ROBO2: variants seen among roughly 807,000 people sequenced by gnomAD.
ROBO2 encodes roundabout guidance receptor 2.
Under a neutral mutation model 160.8 loss-of-function variants are expected in ROBO2, and 53 were observed. That is an observed-to-expected ratio of 0.33 (90% CI 0.26 to 0.41). The LOEUF (loss-of-function observed/expected upper bound fraction) is 0.41. Among genes scored for constraint, ROBO2 ranks in the 10% least tolerant of loss-of-function variants. The pLI, the probability that ROBO2 is intolerant of heterozygous loss-of-function variation, is 1.00. For missense variants in ROBO2, 1,577 were observed against 1,722.4 expected, an observed-to-expected ratio of 0.92 and a Z score of 1.49; for synonymous variants, 664 against 611.7, an observed-to-expected ratio of 1.09 and a Z score of -1.26.
At chr3:77,428,383 C>A (rs1454235953) in intron 2 of ROBO2, among the ~76,000 whole-genome samples, 1 of 123,514 alleles carries the variant, frequency 8.1e-6, no homozygotes, top group Non-Finnish European at 1.6e-5. Context: ...GAGTCTCGCT[C>A]TGTCACCCAG....
intron 5 of ROBO2, among the ~76,000 whole-genome samples, chr3:77,516,884 A>T (rs1279323009): frequency 1.3e-5 from 2 of 151,574 alleles, no homozygotes; most frequent in Non-Finnish European, 3.0e-5. Context: ...TGCTATAAAG[A>T]AGTAGAGGAG....
intron 2 of ROBO2, among the ~76,000 whole-genome samples, chr3:77,171,228 C>A (rs2079603344): frequency 6.6e-6 from 1 of 152,078 alleles, no homozygotes; most frequent in Non-Finnish European, 1.5e-5. Flanking sequence ...TGGCAAACAA[C>A]AAGAGAGGAA....
chr3:77,170,113 A>G (rs986038064), intron 2 of ROBO2, among the ~76,000 whole-genome samples: 11 of 152,240 alleles, frequency 7.2e-5, no homozygotes, highest in South Asian at 2.1e-4. Context: ...TAAAGAGTGT[A>G]CATTCTCTGT....
chr3:77,549,165 T>C, intron 7 of ROBO2, among the ~76,000 whole-genome samples: 1 of 152,054 alleles, frequency 6.6e-6, no homozygotes, highest in South Asian at 2.1e-4. Flanking sequence ...AATGATGGGT[T>C]AACCTTCATA....
At chr3:77,470,175 T>C (rs2083212871) in intron 2 of ROBO2, among the ~76,000 whole-genome samples, 1 of 152,108 alleles carries the variant, frequency 6.6e-6, no homozygotes. Context: ...AGGGACCTGG[T>C]TCCAAACAAC....
chr3:76,706,435 G>T (rs1279261041), intron 2 of ROBO2, among the ~76,000 whole-genome samples: 1 of 151,980 alleles, frequency 6.6e-6, no homozygotes, highest in Admixed American at 6.6e-5. Context: ...GACTTTTGAG[G>T]TTGGAAAGGA....
intron 2 of ROBO2, among the ~76,000 whole-genome samples, chr3:77,145,957 T>C (rs997764622): frequency 2.6e-5 from 4 of 152,102 alleles, no homozygotes; most frequent in African/African-American, 7.2e-5. Context: ...CTGCCTGAGG[T>C]GGTGATTAGA....
intron 2 of ROBO2, among the ~76,000 whole-genome samples, chr3:77,339,128 G>T (rs553033057): frequency 2.6e-4 from 40 of 151,648 alleles, no homozygotes; most frequent in Non-Finnish European, 5.3e-4. Context: ...CAGGAGATGC[G>T]GACATTAAGA....
At chr3:77,529,382 A>G (rs2091453503) in intron 6 of ROBO2, among the ~76,000 whole-genome samples, 1 of 151,630 alleles carries the variant, frequency 6.6e-6, no homozygotes, top group African/African-American at 2.4e-5. Flanking sequence ...GGATGACAGT[A>G]GGTGTTAAAA....
At chr3:76,424,466 T>A (rs1425754490) in intron 2 of ROBO2, among the ~76,000 whole-genome samples, 2 of 152,066 alleles carry the variant, frequency 1.3e-5, no homozygotes, top group African/African-American at 2.4e-5. Context: ...GATAAACACA[T>A]AGAAGCAGAG....
At chr3:76,499,439 C>T (rs1396882029) in intron 2 of ROBO2, among the ~76,000 whole-genome samples, 2 of 152,200 alleles carry the variant, frequency 1.3e-5, no homozygotes, top group Non-Finnish European at 2.9e-5. Context: ...CTCTATTCTT[C>T]ATCATCTGGA....
At chr3:76,972,806 G>A (rs1050301503) in intron 2 of ROBO2, among the ~76,000 whole-genome samples, 1 of 152,092 alleles carries the variant, frequency 6.6e-6, no homozygotes, top group Admixed American at 6.6e-5. Flanking sequence ...CTGCACTCCA[G>A]TCTGGGCAAC....
At chr3:75,919,216 A>G (rs1946929548) in intron 1 of ROBO2, among the ~76,000 whole-genome samples, 1 of 152,150 alleles carries the variant, frequency 6.6e-6, no homozygotes, top group Non-Finnish European at 1.5e-5. Flanking sequence ...TGTTCCATCA[A>G]TACCTAGTTT....
intron 6 of ROBO2, among the ~76,000 whole-genome samples, chr3:77,539,674 T>C (rs2092364103): frequency 6.6e-6 from 1 of 152,178 alleles, no homozygotes; most frequent in Non-Finnish European, 1.5e-5. Flanking sequence ...TGTTTTGGGC[T>C]TTTCTAGGTG....
chr3:76,649,837 G>A (rs929481409), intron 2 of ROBO2, among the ~76,000 whole-genome samples: 5 of 152,028 alleles, frequency 3.3e-5, no homozygotes, highest in African/African-American at 4.8e-5. Context: ...GAAAAGGCAC[G>A]ACTCTTATAA....
chr3:76,633,815 A>G (rs2109509810), intron 2 of ROBO2, among the ~76,000 whole-genome samples: 1 of 152,348 alleles, frequency 6.6e-6, no homozygotes, highest in African/African-American at 2.4e-5. Flanking sequence ...AAGAACAACC[A>G]GCTAATAAGT....
intron 2 of ROBO2, among the ~76,000 whole-genome samples, chr3:76,626,560 A>G (rs941316008): frequency 6.6e-6 from 1 of 152,250 alleles, no homozygotes; most frequent in South Asian, 2.1e-4. Context: ...TGCTAGGTCA[A>G]TGACATGATA....
intron 2 of ROBO2, among the ~76,000 whole-genome samples, chr3:76,853,238 G>A (rs767307533): frequency 1.1e-4 from 17 of 151,904 alleles, no homozygotes; most frequent in Admixed American, 3.3e-4. Context: ...ATAAAAATGC[G>A]CCATGATACA....
intron 9 of ROBO2, among the ~76,000 whole-genome samples, chr3:77,561,256 T>C (rs1258369711): frequency 1.3e-5 from 2 of 152,170 alleles, no homozygotes; most frequent in Non-Finnish European, 2.9e-5. Flanking sequence ...AGATATAATA[T>C]TCCATGAGCG....
Sources: gnomAD v4.1 joint callset for allele counts (sites outside exome capture counted in the v4.1 genomes callset) on GRCh38, gnomAD v4.1.1 for gene constraint, MANE v1.5 for transcripts, NCBI Gene and HGNC (gene_info 2026-07-23, HGNC 2026-07-21) for gene names.